Variants in PRC1 observed in about 807,000 individuals in gnomAD.
The protein encoded by PRC1 is anaphase spindle elongation 1 homolog.
PRC1 carries 54 observed loss-of-function variants against 91.2 expected under a neutral mutation model. The observed-to-expected ratio is 0.59, with a 90% CI of 0.48 to 0.74. PRC1 has a LOEUF of 0.74. Among genes scored for constraint, PRC1 ranks in the 30% least tolerant of loss-of-function variants. PRC1 has a pLI of 0.00. For missense variants in PRC1, 727 were observed against 746.2 expected, an observed-to-expected ratio of 0.97 and a Z score of 0.30; for synonymous variants, 275 against 263.6, an observed-to-expected ratio of 1.04 and a Z score of -0.42.
chr15:90,981,944 T>A lies in PRC1; in HGVS notation c.305A>T (p.Asp102Val). The A allele has an allele frequency of 6.2e-7, 1 of 1,614,184 alleles. No individual in the cohort carries two copies. The highest frequency in any genetic ancestry group is 8.5e-7 in the Non-Finnish European group (1 of 1,180,030). The change falls in exon 4 of 15, where the codon GAT (aspartate) becomes GTT (valine). Residue 102 changes from aspartate to valine, a missense_variant. Coordinates refer to ENST00000394249, the MANE Select transcript of PRC1 (RefSeq NM_003981.4). ...GETTILQLEK[D>V]LRTQVELMRK... ...CATCAATTCCACTTGGGTGCGCAAATCTTTTTCTAGTTGCAAGATGGTCGT... is the reference window on the plus strand; with the variant it reads ...CATCAATTCCACTTGGGTGCGCAAAACTTTTTCTAGTTGCAAGATGGTCGT...
At position 90,966,273 on chromosome 15, in the gene PRC1, G is replaced by T; in HGVS notation, c.*858C>A. 2 of 220,066 alleles carry T rather than the reference G, an allele frequency of 9.1e-6. No individual in the cohort carries two copies. The highest frequency in any genetic ancestry group is 1.2e-4 in the South Asian group (2 of 17,278). The allele number at this position is 220,066 out of a possible 1,614,324, so 13.6% of individuals were successfully genotyped here. A position where few individuals can be genotyped will look rare whatever the true frequency, so the allele number is the denominator to read the frequency against. ...GATTGAGAGGATAGGTAAAGAGGGC[G>T]CCTCATCGTGGAAGCTAGAGCAGGA... On this transcript the variant is annotated 3_prime_UTR_variant, in exon 15 of 15. Transcript: ENST00000394249.
chr15:90,974,374 C>T lies in PRC1; in HGVS notation c.1351-128G>A, dbSNP rs1217110880. ...CAGAGCTAAAGAGCTGCCGCGGGCT[C>T]CCCGTTCCACAAGCCCCGGTCCCCG... On this transcript the variant is annotated intron_variant, in intron 10 of 14. Coordinates refer to ENST00000394249, the MANE Select transcript of PRC1 (RefSeq NM_003981.4). The surrounding 1 kb of genome is among the most constrained non-coding windows in gnomAD (Gnocchi z 4.6). The T allele has an allele frequency of 9.4e-6, 10 of 1,061,022 alleles. No homozygotes were observed. The Admixed American group carries it at 2.1e-4, about 22-fold the overall frequency. 65.7% of individuals were successfully genotyped at this position (1,061,022 alleles called of 1,614,324 possible).
rs2037462689 is a variant in PRC1 at position 90,966,080 on chromosome 15, G to A, written c.*1051C>T. The A allele has an allele frequency of 6.6e-6, 1 of 152,242 alleles. No individual in the cohort carries two copies. Among genetic ancestry groups the A allele is most frequent in the Non-Finnish European group, 1.5e-5 (1 of 68,072 alleles). 9.4% of individuals were successfully genotyped at this position (152,242 alleles called of 1,614,324 possible). ...TATACAGATTTTAATTTATTTTTAA[G>A]AATAATTGTATATTTTAAAAACAGG... On this transcript the variant is annotated 3_prime_UTR_variant, in exon 15 of 15. Coordinates refer to ENST00000394249, the MANE Select transcript of PRC1 (RefSeq NM_003981.4).
intron 14 of PRC1, chr15:90,968,435 C>G: frequency 1.0e-6 from 1 of 985,622 alleles, no homozygotes; most frequent in Non-Finnish European, 1.2e-6. Flanking sequence ...GAGGAACATC[C>G]TCTCCTCTTG....
At position 90,984,736 on chromosome 15, in the gene PRC1, T is replaced by C; in HGVS notation, c.101A>G (p.Asp34Gly). Residue 34 changes from aspartate (D) to glycine (G), a missense_variant, in exon 2 of 15, where the codon GAC (aspartate) becomes GGC (glycine). Coordinates refer to ENST00000394249, the MANE Select transcript of PRC1 (RefSeq NM_003981.4). The surrounding 1 kb of genome is among the most constrained non-coding windows in gnomAD (Gnocchi z 5.1). Reference protein sequence around the residue: ...EIWELIGIPEDQRLQRTEVVK... With the variant: ...EIWELIGIPEGQRLQRTEVVK... ...CACCTCAGTTCTTTGTAACCGCTGG[T>C]CCTCTGGAATCCCAATTAGCTCCCA... The C allele has an allele frequency of 6.2e-7, 1 of 1,614,152 alleles. No individual in the cohort carries two copies.
intron 9 of PRC1, among the ~76,000 whole-genome samples, chr15:90,976,336 AC>A (rs1211267567): frequency 3.4e-4 from 51 of 151,142 alleles, no homozygotes; most frequent in East Asian, 1.2e-3. Flanking sequence ...TGAACTCCTG[AC>A]CTCATGATCA....
At chr15:90,968,330 T>G (rs994403870) in intron 14 of PRC1, 193 of 985,378 alleles carry the variant, frequency 2.0e-4, no homozygotes, top group Non-Finnish European at 2.2e-4. Flanking sequence ...TGATCAAAAC[T>G]AGCTGCAGCC....
chr15:90,979,364 G>A (rs772352536), intron 7 of PRC1, 70 bp from the exon 8 acceptor site: 21 of 1,498,490 alleles, frequency 1.4e-5, no homozygotes, highest in African/African-American at 9.8e-5. Flanking sequence ...ACGAATCCCC[G>A]ATTCCCTAAA....
chr15:90,976,827 T>A, intron 8 of PRC1, 56 bp from the exon 9 acceptor site: 1 of 1,415,548 alleles, frequency 7.1e-7, no homozygotes, highest in Non-Finnish European at 9.9e-7. Context: ...GACCAATAAC[T>A]TCTGCTAAGA....
intron 11 of PRC1, among the ~76,000 whole-genome samples, chr15:90,970,844 A>T (rs1443358456): frequency 1.3e-5 from 2 of 152,232 alleles, no homozygotes; most frequent in South Asian, 2.1e-4. Context: ...CTTAGACGTA[A>T]ATGTTCACAA....
chr15:90,981,142 A>C, intron 5 of PRC1, 109 bp from the exon 6 acceptor site: 1 of 1,422,298 alleles, frequency 7.0e-7, no homozygotes, highest in Non-Finnish European at 9.5e-7. Context: ...CACTTTCATG[A>C]GAGTTCAAAG....
rs1378239755 is a variant in PRC1 at position 90,974,449 on chromosome 15, C to T, written c.1350+136G>A. Reference sequence around the variant, plus strand: ...CCCCGGCTCCCCGTTCCACAAGCCCCGGTCCCCGGCTTCCCGTTCCACAAG... The same window carrying T: ...CCCCGGCTCCCCGTTCCACAAGCCCTGGTCCCCGGCTTCCCGTTCCACAAG... On this transcript the variant is annotated intron_variant, in intron 10 of 14. Coordinates refer to ENST00000394249, the MANE Select transcript of PRC1 (RefSeq NM_003981.4). This position sits in a 1 kb window ranked among gnomAD's most constrained non-coding sequence, Gnocchi z 4.6. The T allele has an allele frequency of 6.0e-6, 8 of 1,336,486 alleles. No homozygotes were observed. Among genetic ancestry groups the T allele is most frequent in the East Asian group, 2.3e-5 (1 of 43,086 alleles). 82.8% of individuals were successfully genotyped at this position (1,336,486 alleles called of 1,614,324 possible). A position where few individuals can be genotyped will look rare whatever the true frequency, so the allele number is the denominator to read the frequency against.
intron 3 of PRC1, among the ~76,000 whole-genome samples, chr15:90,982,265 T>C (rs1366087111): frequency 6.6e-6 from 1 of 152,200 alleles, no homozygotes; most frequent in African/African-American, 2.4e-5. Context: ...AGTTCATTGG[T>C]ATTAAGTACA....
rs1344136115 is a variant in PRC1 at position 90,994,412 on chromosome 15, C to T, written c.6G>A (p.Arg2=). The T allele has an allele frequency of 1.2e-6, 2 of 1,612,012 alleles. No individual in the cohort carries two copies. Among genetic ancestry groups the T allele is most frequent in the South Asian group, 2.2e-5 (2 of 90,704 alleles). The change falls in exon 1 of 15, where the codon AGG becomes AGA. Residue 2 remains arginine (R), a synonymous_variant. Transcript: ENST00000394249. ...GATTTCCCCGCAACCCGCACCTTCT[C>T]CTCATGGCGGACGCTCCAAGCAGCC... is the stretch of plus-strand genomic sequence containing the variant. M[R]RSEVLAEESI...
At chr15:90,968,631 T>A in intron 14 of PRC1, 2 of 1,001,014 alleles carry the variant, frequency 2.0e-6, no homozygotes, top group Non-Finnish European at 2.4e-6. Flanking sequence ...CAGCATTAGC[T>A]AGCTGAGAAT....
chr15:90,975,923 T>C (rs760679803), intron 9 of PRC1, among the ~76,000 whole-genome samples: 8 of 152,264 alleles, frequency 5.3e-5, no homozygotes, highest in Non-Finnish European at 8.8e-5. Context: ...GGGAAAACCA[T>C]GTGAACACAC....
rs760746534 is a variant in PRC1, at chr15:90,984,126, C to A, written c.159G>T (p.Met53Ile). ...VKKHIKELLD[M>I]MIAEEESLKE... The stretch of plus-strand genomic sequence containing the variant: ...TCAGGCTTTCCTCTTCAGCAATCAT[C>A]ATATCCAGGAGTTCCTACAAGAGGG... Residue 53 changes from methionine (M) to isoleucine (I), a missense_variant, in exon 3 of 15, where the codon ATG (methionine) becomes ATT (isoleucine). Met to Ile is a conservative substitution (Grantham distance 10, BLOSUM62 1). Coordinates refer to ENST00000394249, the MANE Select transcript of PRC1 (RefSeq NM_003981.4). The surrounding 1 kb of genome is among the most constrained non-coding windows in gnomAD (Gnocchi z 5.1). The A allele has an allele frequency of 6.2e-7, 1 of 1,614,148 alleles. No individual in the cohort carries two copies. The highest frequency in any genetic ancestry group is 8.5e-7 in the Non-Finnish European group (1 of 1,180,000).
chr15:90,980,646 A>G, intron 6 of PRC1: 1 of 679,644 alleles, frequency 1.5e-6, no homozygotes, highest in South Asian at 2.0e-5. Context: ...CAGCCTCCCA[A>G]GTAGCTGGGA....
In PRC1 at chr15:90,984,063, T is replaced by A. The variant is rs200573147; in HGVS notation, c.222A>T (p.Lys74Asn). 9 of 1,614,052 alleles carry A rather than the reference T, an allele frequency of 5.6e-6. No homozygotes were observed. The highest frequency in any genetic ancestry group is 7.6e-6 in the Non-Finnish European group (9 of 1,180,036). The stretch of plus-strand genomic sequence containing the variant: ...ACTCGCTGCACAGAGTGTTCAGCTC[T>A]TTCTGACAGACGGATATGCTTTTGA... ...RLIKSISVCQ[K>N]ELNTLCSELH... Residue 74 changes from lysine to asparagine, a missense_variant, in exon 3 of 15, where the codon AAA (lysine) becomes AAT (asparagine). Coordinates refer to ENST00000394249, the MANE Select transcript of PRC1 (RefSeq NM_003981.4). The surrounding 1 kb of genome is among the most constrained non-coding windows in gnomAD (Gnocchi z 5.1).
Sources: gnomAD v4.1 joint callset for allele counts (sites outside exome capture counted in the v4.1 genomes callset) on GRCh38, gnomAD v4.1.1 for gene constraint, Gnocchi (gnomAD v3.1) non-coding constraint, MANE v1.5 for transcripts, NCBI Gene and HGNC (gene_info 2026-07-23, HGNC 2026-07-21) for gene names.